The following DCAF12 variants were observed in gnomAD, a reference collection of about 807,000 sequenced individuals.
DCAF12 encodes DDB1 and CUL4 associated factor 12, also known as DDB1- and CUL4-associated factor 12.
Under a neutral mutation model 52.8 loss-of-function variants are expected in DCAF12, and 28 were observed. The observed-to-expected ratio is 0.53, with a 90% CI of 0.39 to 0.73. The LOEUF (loss-of-function observed/expected upper bound fraction) is 0.73, where lower values mean the gene tolerates loss of function less well. Among genes scored for constraint, DCAF12 ranks in the 30% least tolerant of loss-of-function variants. The pLI, the probability that DCAF12 is intolerant of heterozygous loss-of-function variation, is 0.00. For missense variants in DCAF12, 425 were observed against 552.2 expected (o/e 0.77, Z 2.31); for synonymous variants, 196 against 215.5 (o/e 0.91, Z 0.79).
At chr9:34,110,461 C>G (rs577987776) in intron 2 of DCAF12, among the ~76,000 whole-genome samples, 1 of 152,262 alleles carries the variant, frequency 6.6e-6, no homozygotes, top group African/African-American at 2.4e-5. Context: ...TGCCTTCAGG[C>G]AACACCGCTA....
Position 34,088,024 on chromosome 9 carries a change from G to GAAAGA in DCAF12, c.*325_*326insTCTTT, listed in dbSNP as rs56140730. On this transcript the variant is annotated 3_prime_UTR_variant, in exon 9 of 9. Transcript: ENST00000361264. Reference sequence around the variant, plus strand: ...CCTCTCAAGAGTGAAGTAAGGGTGAGCTATGTCATTTCAGCCTGAAGAAGC... The same window carrying GAAAGA: ...CCTCTCAAGAGTGAAGTAAGGGTGAGAAAGACTATGTCATTTCAGCCTGAAGAAGC... 161,445 of 180,084 alleles carry GAAAGA rather than the reference G, an allele frequency of 0.9. 72,460 individuals carry two copies. Among genetic ancestry groups the GAAAGA allele is most frequent in the African/African-American group, 0.91 (38,396 of 42,002 alleles). 11.2% of individuals were successfully genotyped at this position (180,084 alleles called of 1,614,324 possible). A position where few individuals can be genotyped will look rare whatever the true frequency, so the allele number is the denominator to read the frequency against.
chr9:34,121,015 G>A (rs146624633), intron 2 of DCAF12, among the ~76,000 whole-genome samples: 19 of 152,146 alleles, frequency 1.2e-4, no homozygotes, highest in African/African-American at 3.9e-4. Flanking sequence ...TTAGCTGTGC[G>A]TGGTGGCATG....
chr9:34,125,553 C>G, intron 1 of DCAF12: 1 of 551,164 alleles, frequency 1.8e-6, no homozygotes, highest in Non-Finnish European at 3.6e-6. Context: ...GTTTACTAGA[C>G]ATTTTAGGAG....
At chr9:34,117,129 T>C (rs1829100709) in intron 2 of DCAF12, among the ~76,000 whole-genome samples, 1 of 152,218 alleles carries the variant, frequency 6.6e-6, no homozygotes. Flanking sequence ...TCTTGAATTC[T>C]GATGTTTCGC....
intron 2 of DCAF12, among the ~76,000 whole-genome samples, chr9:34,122,403 A>C (rs1380203886): frequency 6.6e-6 from 1 of 152,090 alleles, no homozygotes; most frequent in Non-Finnish European, 1.5e-5. Context: ...AAAAGGACAA[A>C]ACCCAAATCT....
At chr9:34,089,383 G>A (rs751555763) in intron 8 of DCAF12, 29 bp downstream of exon 8, 20 of 1,596,350 alleles carry the variant, frequency 1.3e-5, no homozygotes, top group Non-Finnish European at 1.7e-5. Context: ...TTACTGTGTA[G>A]CAGTCATCTC....
At chr9:34,106,544 A>C (rs1252781225) in intron 3 of DCAF12, 50 bp from the exon 4 acceptor site, 23 of 1,453,088 alleles carry the variant, frequency 1.6e-5, no homozygotes, top group Non-Finnish European at 2.1e-5. Flanking sequence ...AGAAATTAGT[A>C]AAATAAGGAT....
In DCAF12 at chr9:34,089,598, A is replaced by G. The variant is rs772167922; in HGVS notation, c.1025-8T>C. On this transcript the variant is annotated splice_polypyrimidine_tract_variant and splice_region_variant and intron_variant, in intron 7 of 8. Coordinates refer to ENST00000361264, the MANE Select transcript of DCAF12 (RefSeq NM_015397.4). ...AACTCACTGACCGGATTCCTGAAAG[A>G]CAGAAAAGTAAAAGGCAGTGAGGCG... 6 of 1,598,238 alleles carry G rather than the reference A, an allele frequency of 3.8e-6. No homozygotes were observed. The highest frequency in any genetic ancestry group is 5.1e-6 in the Non-Finnish European group (6 of 1,170,582).
rs543725075 is a variant in DCAF12 at position 34,110,847 on chromosome 9, C to T, written c.334-3282G>A. Among the ~76,000 whole-genome samples, 7 of 152,180 alleles carry T rather than the reference C, an allele frequency of 4.6e-5. No homozygotes were observed. In the South Asian group the frequency reaches 8.3e-4, roughly 18 times the overall value. ...CTCAGTCCAGCCTCTACTATCATCA[C>T]CTCTTGCCATGGACTTCAAACTCTA... On this transcript the variant is annotated intron_variant, in intron 2 of 8. Transcript: ENST00000361264.
chr9:34,088,690 C>G (rs961807740), intron 8 of DCAF12, among the ~76,000 whole-genome samples, 182 bp from the exon 9 acceptor site: 2 of 152,144 alleles, frequency 1.3e-5, no homozygotes, highest in Non-Finnish European at 2.9e-5. Flanking sequence ...TCCAACTAAA[C>G]GTTAGAGAAG....
chr9:34,126,244 G>A (rs949854444), intron 1 of DCAF12, 110 bp downstream of exon 1: 3 of 1,352,134 alleles, frequency 2.2e-6, no homozygotes, highest in South Asian at 1.2e-5. Flanking sequence ...TTCCTGTTTT[G>A]CCTCTGACTG....
At chr9:34,091,149 A>C (rs1475520456) in intron 7 of DCAF12, among the ~76,000 whole-genome samples, 1 of 151,944 alleles carries the variant, frequency 6.6e-6, no homozygotes, top group East Asian at 1.9e-4. Flanking sequence ...CAACATGGTG[A>C]AACTCCATCT....
intron 2 of DCAF12, among the ~76,000 whole-genome samples, chr9:34,124,749 A>AAAAC (rs146296271): frequency 3.2e-4 from 48 of 152,320 alleles, no homozygotes; most frequent in Admixed American, 2.6e-3. Context: ...ATATGAGGCA[A>AAAAC]AAACAAACAA....
chr9:34,125,006 TC>T lies in DCAF12; in HGVS notation c.333+16del, dbSNP rs1370744957. The T allele has an allele frequency of 6.2e-7, 1 of 1,611,654 alleles. No homozygotes were observed. The highest frequency in any genetic ancestry group is 8.5e-7 in the Non-Finnish European group (1 of 1,179,574). ...TCCACGACCTAGGAGAGAGGTCACA[TC>T]CCCCCAGGCACTTACCGTGTTGCAT... On this transcript the variant is annotated intron_variant, in intron 2 of 8. Transcript: ENST00000361264.
Position 34,093,251 on chromosome 9 carries a change from A to G in DCAF12, c.1024+35T>C, listed in dbSNP as rs540329335. On this transcript the variant is annotated intron_variant, in intron 7 of 8. Coordinates refer to ENST00000361264, the MANE Select transcript of DCAF12 (RefSeq NM_015397.4). The stretch of plus-strand genomic sequence containing the variant: ...GAAAGTCAGAACCCATATGCAGTGC[A>G]GCTGTAGGCCTGAGGTGCACACAGG... The G allele has an allele frequency of 1.9e-6, 3 of 1,612,798 alleles. 1 individual carries two copies. In the South Asian group the frequency reaches 3.3e-5, roughly 18 times the overall value.
chr9:34,113,498 C>T (rs1035584005), intron 2 of DCAF12, among the ~76,000 whole-genome samples: 1 of 151,920 alleles, frequency 6.6e-6, no homozygotes, highest in African/African-American at 2.4e-5. Context: ...CACCACTGTG[C>T]CCAGCTAATT....
Position 34,107,546 on chromosome 9 carries a change from T to C in DCAF12, c.353A>G (p.Gln118Arg). Reference protein sequence around the residue: ...KCNTLFVVDVQTSQITKIPIL... With the variant: ...KCNTLFVVDVRTSQITKIPIL... ...GGGGATCTTGGTGATCTGGCTTGTC[T>C]GGACATCTACGACAAATAGCTACAA... Residue 118 changes from glutamine to arginine, a missense_variant, in exon 3 of 9, where the codon CAG becomes CGG. Around this residue, in one of 3 missense-constraint regions of DCAF12, gnomAD observed 328 missense variants for 444.4 expected, o/e 0.74. Transcript: ENST00000361264. 3.1e-6 allele frequency: 5 copies of C among 1,614,128 alleles called. No individual in the cohort carries two copies. The highest frequency in any genetic ancestry group is 4.2e-6 in the Non-Finnish European group (5 of 1,180,030).
intron 2 of DCAF12, chr9:34,109,697 G>A (rs749093600): frequency 5.4e-5 from 10 of 184,854 alleles, no homozygotes; most frequent in Non-Finnish European, 1.0e-4. Context: ...ATGAAGAAGT[G>A]CAAGCGGGGG....
rs1400704358 is a variant in DCAF12 at position 34,087,727 on chromosome 9, C to T, written c.*623G>A. 1 of 152,202 alleles carries T rather than the reference C, an allele frequency of 6.6e-6. No homozygotes were observed. The highest frequency in any genetic ancestry group is 1.9e-4 in the East Asian group (1 of 5,204). 9.4% of individuals were successfully genotyped at this position (152,202 alleles called of 1,614,324 possible). A position where few individuals can be genotyped will look rare whatever the true frequency, so the allele number is the denominator to read the frequency against. ...TAATTTCTTTTCCTTTCTGTTTTTA[C>T]TTCCTATTATCAGTGTTGTTAGACT... On this transcript the variant is annotated 3_prime_UTR_variant, in exon 9 of 9. Coordinates refer to ENST00000361264, the MANE Select transcript of DCAF12 (RefSeq NM_015397.4).
Sources: allele counts gnomAD v4.1 joint callset (sites outside exome capture counted in the v4.1 genomes callset), GRCh38; gene constraint gnomAD v4.1.1; regional missense constraint gnomAD v4.1.1; transcripts MANE v1.5; gene names NCBI Gene and HGNC (gene_info 2026-07-23, HGNC 2026-07-21).